Variants in CEP112 observed in about 807,000 individuals in gnomAD.
CEP112 encodes the protein centrosomal protein 112.
Under a neutral mutation model 153.0 loss-of-function variants are expected in CEP112, and 127 were observed. The ratio of observed to expected loss-of-function variants is 0.83; its 90% CI spans 0.72 to 0.96. The LOEUF (loss-of-function observed/expected upper bound fraction) is 0.96, where lower values mean the gene tolerates loss of function less well. Among genes scored for constraint, CEP112 ranks in the 40% least tolerant of loss-of-function variants. The pLI is 0.00. For synonymous variants in CEP112, 358 were observed against 374.4 expected, an observed-to-expected ratio of 0.96 and a Z score of 0.51; for missense variants, 1,089 against 1,101.2, an observed-to-expected ratio of 0.99 and a Z score of 0.16.
In CEP112 at chr17:65,882,622, T is replaced by C. The variant is rs371836803; in HGVS notation, c.2163+19530A>G. On this transcript the variant is annotated intron_variant, in intron 20 of 26. Coordinates refer to ENST00000535342, the MANE Select transcript of CEP112 (RefSeq NM_001199165.4). ...TCGGCACTTGGGCCAGGTGCTCTAG[T>C]AGGTTATTGGGATTCAAAACAGACA... Among the ~76,000 whole-genome samples the C allele has an allele frequency of 8.1e-4, 124 of 152,326 alleles. 3 individuals carry two copies. In the South Asian group the frequency reaches 0.023, roughly 28 times the overall value.
chr17:66,092,200 C>G (rs1214171318), intron 8 of CEP112, among the ~76,000 whole-genome samples: 1 of 151,776 alleles, frequency 6.6e-6, no homozygotes, highest in Non-Finnish European at 1.5e-5. Flanking sequence ...CCACCACACC[C>G]AACTAATTTT....
chr17:65,990,490 T>C (rs945530565), intron 17 of CEP112, among the ~76,000 whole-genome samples: 3 of 152,352 alleles, frequency 2.0e-5, no homozygotes, highest in Non-Finnish European at 4.4e-5. Context: ...ACAGAGATTG[T>C]GAGGCTTTGC....
intron 21 of CEP112, among the ~76,000 whole-genome samples, chr17:65,795,375 A>G (rs1270530651): frequency 1.3e-5 from 2 of 152,230 alleles, no homozygotes; most frequent in African/African-American, 4.8e-5. Flanking sequence ...GTATTACCCC[A>G]TTTTACAATT....
At chr17:65,802,376 A>C (rs1244052730) in intron 21 of CEP112, among the ~76,000 whole-genome samples, 1 of 152,132 alleles carries the variant, frequency 6.6e-6, no homozygotes, top group African/African-American at 2.4e-5. Flanking sequence ...AGGTCTTAAA[A>C]TTCTACCCCA....
At chr17:65,816,155 T>A (rs549774913) in intron 21 of CEP112, among the ~76,000 whole-genome samples, 1 of 151,696 alleles carries the variant, frequency 6.6e-6, no homozygotes, top group Admixed American at 6.6e-5. Context: ...AAAAAGTTTT[T>A]AAAAAACATT....
chr17:65,692,506 C>T (rs540686605), intron 23 of CEP112, among the ~76,000 whole-genome samples: 3 of 152,210 alleles, frequency 2.0e-5, no homozygotes, highest in East Asian at 1.9e-4. Context: ...GGATCACAGG[C>T]GTGAGTCACC....
intron 1 of CEP112, among the ~76,000 whole-genome samples, chr17:66,187,821 T>C (rs147136435): frequency 7.3e-4 from 111 of 152,322 alleles, no homozygotes; most frequent in African/African-American, 2.5e-3. Context: ...TCCTGTTTAT[T>C]ATCTAGATTT....
intron 21 of CEP112, among the ~76,000 whole-genome samples, chr17:65,798,568 T>A (rs1336972486): frequency 6.6e-6 from 1 of 152,228 alleles, no homozygotes; most frequent in Non-Finnish European, 1.5e-5. Flanking sequence ...TATGTTCTAC[T>A]CATTATTCAA....
intron 21 of CEP112, among the ~76,000 whole-genome samples, chr17:65,824,847 T>C (rs941062753): frequency 2.0e-5 from 3 of 151,872 alleles, no homozygotes; most frequent in African/African-American, 4.8e-5. Flanking sequence ...TTGGCAATCA[T>C]GTGGAGAAAC....
At position 65,635,602 on chromosome 17, in the gene CEP112, A is replaced by G. The variant is rs2044732243; in HGVS notation, c.*369T>C. The G allele has an allele frequency of 7.5e-6, 2 of 266,874 alleles. No individual in the cohort carries two copies. Among genetic ancestry groups the G allele is most frequent in the African/African-American group, 2.2e-5 (1 of 45,408 alleles). 16.5% of individuals were successfully genotyped at this position (266,874 alleles called of 1,614,324 possible). A position where few individuals can be genotyped will look rare whatever the true frequency, so the allele number is the denominator to read the frequency against. On this transcript the variant is annotated 3_prime_UTR_variant, in exon 27 of 27. Coordinates refer to ENST00000535342, the MANE Select transcript of CEP112 (RefSeq NM_001199165.4). ...AACATGAAAACAATGTAAACAGGTT[A>G]GAATTTTTGATATGATACTACAAAC...
Position 65,872,735 on chromosome 17 carries a change from T to C in CEP112, c.2164-20701A>G, listed in dbSNP as rs538539188. On this transcript the variant is annotated intron_variant, in intron 20 of 26. Coordinates refer to ENST00000535342, the MANE Select transcript of CEP112 (RefSeq NM_001199165.4). ...CATTAGCTTAACATTTTAAAATAGC[T>C]TTGTGAATTAATTTTTTCACTGAAA... Among the ~76,000 whole-genome samples, 9 of 152,336 alleles carry C rather than the reference T, an allele frequency of 5.9e-5. No homozygotes were observed. The South Asian group carries it at 1.9e-3, about 32-fold the overall frequency.
At chr17:65,872,504 T>C (rs2058698513) in intron 20 of CEP112, among the ~76,000 whole-genome samples, 1 of 152,220 alleles carries the variant, frequency 6.6e-6, no homozygotes, top group Non-Finnish European at 1.5e-5. Flanking sequence ...ACTAGACAGT[T>C]ATGAAATTTA....
intron 21 of CEP112, among the ~76,000 whole-genome samples, chr17:65,801,642 G>A (rs1309184357): frequency 1.3e-5 from 2 of 152,134 alleles, no homozygotes; most frequent in Non-Finnish European, 2.9e-5. Flanking sequence ...ATTACTGGAA[G>A]TAGAATTCTT....
chr17:65,701,916 T>C (rs528322913), intron 23 of CEP112, among the ~76,000 whole-genome samples: 12 of 149,922 alleles, frequency 8.0e-5, no homozygotes, highest in African/African-American at 2.9e-4. Flanking sequence ...TTTTTTTTTT[T>C]GAGACGGAGT....
intron 8 of CEP112, among the ~76,000 whole-genome samples, chr17:66,089,244 T>G (rs2068050701): frequency 6.6e-6 from 1 of 152,134 alleles, no homozygotes; most frequent in African/African-American, 2.4e-5. Flanking sequence ...TTCCTACTTC[T>G]TCAAATGTGC....
rs1463220637 is a variant in CEP112, at chr17:66,147,682, T to G, written c.471-14919A>C. Among the ~76,000 whole-genome samples the G allele has an allele frequency of 2.0e-5, 3 of 152,216 alleles. No individual in the cohort carries two copies. In the East Asian group the frequency reaches 5.8e-4, roughly 29 times the overall value. ...GTCTTTGATCCATTTTTAGTTAATT[T>G]ATATATGATGTAAAGTGAGAGTCCA... is the stretch of plus-strand genomic sequence containing the variant. On this transcript the variant is annotated intron_variant, in intron 4 of 26. Coordinates refer to ENST00000535342, the MANE Select transcript of CEP112 (RefSeq NM_001199165.4).
At chr17:65,877,582 T>C (rs2058880717) in intron 20 of CEP112, among the ~76,000 whole-genome samples, 1 of 152,192 alleles carries the variant, frequency 6.6e-6, no homozygotes, top group African/African-American at 2.4e-5. Context: ...GGACTCTATT[T>C]CTAGAATAAC....
chr17:65,741,331 T>C (rs2051121670), intron 23 of CEP112, among the ~76,000 whole-genome samples: 1 of 147,128 alleles, frequency 6.8e-6, no homozygotes, highest in Admixed American at 6.7e-5. Context: ...CCTTAGCAAC[T>C]TTAATATAGG....
Position 66,191,348 on chromosome 17 carries a change from A to G in CEP112, c.-9+649T>C, listed in dbSNP as rs1038275044. 6.6e-6 allele frequency among the ~76,000 whole-genome samples: 1 copy of G among 152,242 alleles called. No individual in the cohort carries two copies. Among genetic ancestry groups the G allele is most frequent in the African/African-American group, 2.4e-5 (1 of 41,474 alleles). ...TATTTTGACTCATCTTAAAATATTAAAAACAAATAAAAGTAGCCGTGCAAT... is the reference window on the plus strand; with the variant it reads ...TATTTTGACTCATCTTAAAATATTAGAAACAAATAAAAGTAGCCGTGCAAT... On this transcript the variant is annotated intron_variant, in intron 1 of 26. Transcript: ENST00000535342. The surrounding 1 kb of genome is among the most constrained non-coding windows in gnomAD (Gnocchi z 4.2).
Sources: gnomAD v4.1 joint callset for allele counts (sites outside exome capture counted in the v4.1 genomes callset) on GRCh38, gnomAD v4.1.1 for gene constraint, Gnocchi (gnomAD v3.1) non-coding constraint, MANE v1.5 for transcripts, NCBI Gene and HGNC (gene_info 2026-07-23, HGNC 2026-07-21) for gene names.